SEMA4C: variants seen among roughly 807,000 people sequenced by gnomAD.
SEMA4C encodes the protein semaphorin 4C.
Under a neutral mutation model 89.0 loss-of-function variants are expected in SEMA4C, and 19 were observed. The ratio of observed to expected loss-of-function variants is 0.21; its 90% CI spans 0.15 to 0.31. SEMA4C has a LOEUF of 0.31. Among genes scored for constraint, SEMA4C ranks in the 10% least tolerant of loss-of-function variants. The pLI is 1.00. For missense variants in SEMA4C, 811 were observed against 1,107.0 expected (o/e 0.73, Z 3.79); for synonymous variants, 428 against 472.7 (o/e 0.91, Z 1.23).
At chr2:96,867,986 A>T (rs1164729887) in intron 1 of SEMA4C, 63 bp from the exon 2 acceptor site, 22 of 1,582,104 alleles carry the variant, frequency 1.4e-5, no homozygotes, top group Non-Finnish European at 1.8e-5. Flanking sequence ...AGGGGCCCGC[A>T]GCAGGAGAGG....
chr2:96,866,225 C>T (rs1486695405), intron 3 of SEMA4C, 58 bp downstream of exon 3: 15 of 1,544,668 alleles, frequency 9.7e-6, no homozygotes, highest in African/African-American at 1.4e-5. Context: ...CCAAGCACAG[C>T]CCCTCTGGGC....
Position 96,870,039 on chromosome 2 carries a change from C to A in SEMA4C, c.-201G>T. On this transcript the variant is annotated 5_prime_UTR_variant, in exon 1 of 15. Coordinates refer to ENST00000305476, the MANE Select transcript of SEMA4C (RefSeq NM_017789.5). ...CCGCCCGGCTCCGCGCCCCTAGGCTCGGGCTCCCCGCGCCACCACGGCGGG... is the reference window on the plus strand; with the variant it reads ...CCGCCCGGCTCCGCGCCCCTAGGCTAGGGCTCCCCGCGCCACCACGGCGGG... 1 of 982,288 alleles carries A rather than the reference C, an allele frequency of 1.0e-6. No homozygotes were observed. The highest frequency in any genetic ancestry group is 4.6e-5 in the South Asian group (1 of 21,772). 60.8% of individuals were successfully genotyped at this position (982,288 alleles called of 1,614,324 possible). A position where few individuals can be genotyped will look rare whatever the true frequency, so the allele number is the denominator to read the frequency against.
At position 96,861,966 on chromosome 2, in the gene SEMA4C, C is replaced by A. The variant is rs913636535; in HGVS notation, c.1444-72G>T. 18 of 1,506,780 alleles carry A rather than the reference C, an allele frequency of 1.2e-5. No individual in the cohort carries two copies. Among genetic ancestry groups the A allele is most frequent in the Non-Finnish European group, 1.3e-5 (15 of 1,120,532 alleles). The allele number at this position is 1,506,780 out of a possible 1,614,324, so 93.3% of individuals were successfully genotyped here. ...CACGGGAGGGGCGGCCGGACCAGAA[C>A]GCAGCATGGGGACAGCTTGGACTCC... is the stretch of plus-strand genomic sequence containing the variant. On this transcript the variant is annotated intron_variant, in intron 12 of 14. Transcript: ENST00000305476. This position sits in a 1 kb window ranked among gnomAD's most constrained non-coding sequence, Gnocchi z 7.8.
intron 12 of SEMA4C, chr2:96,862,175 T>C (rs2079962697): frequency 2.2e-6 from 1 of 457,036 alleles, no homozygotes; most frequent in African/African-American, 1.9e-5. Context: ...GGCCAAAAAG[T>C]ATAATCACAC....
chr2:96,866,080 C>T, intron 3 of SEMA4C, 151 bp from the exon 4 acceptor site: 2 of 1,081,910 alleles, frequency 1.8e-6, no homozygotes, highest in South Asian at 3.0e-5. Context: ...ATGGAAGCCC[C>T]AAACCACCCC....
chr2:96,861,440 T>C lies in SEMA4C; in HGVS notation c.1688A>G (p.Lys563Arg), dbSNP rs558466731. Residue 563 changes from lysine (K) to arginine (R), a missense_variant, in exon 15 of 15, where the codon AAA becomes AGA. Transcript: ENST00000305476. This position sits in a 1 kb window ranked among gnomAD's most constrained non-coding sequence, Gnocchi z 7.8. Reference protein sequence around the residue: ...RGSKKVRPTPKNITVVAGTDL... With the variant: ...RGSKKVRPTPRNITVVAGTDL... ...TGTGCCCGCCACCACCGTGATGTTT[T>C]TGGGAGTGGGCCTGACTGTAGTGGC... 1.9e-6 allele frequency: 3 copies of C among 1,612,762 alleles called. No homozygotes were observed. The highest frequency in any genetic ancestry group is 2.2e-5 in the East Asian group (1 of 44,882).
chr2:96,869,059 G>A (rs2080147668), intron 1 of SEMA4C: 8 of 985,428 alleles, frequency 8.1e-6, no homozygotes, highest in Non-Finnish European at 9.6e-6. Flanking sequence ...CAAAGCGGCG[G>A]CGCGGGGAGC....
rs745589866 is a variant in SEMA4C, at chr2:96,865,569, G to C, written c.421-32C>G. 6 of 1,606,820 alleles carry C rather than the reference G, an allele frequency of 3.7e-6. No individual in the cohort carries two copies. The South Asian group carries it at 6.6e-5, about 18-fold the overall frequency. ...ACAGAGAGAGAGGTGATGAGGAGATGCTTAAGGGCAGGGCTCTGTGGGCCA... is the reference window on the plus strand; with the variant it reads ...ACAGAGAGAGAGGTGATGAGGAGATCCTTAAGGGCAGGGCTCTGTGGGCCA... On this transcript the variant is annotated intron_variant, in intron 5 of 14. Transcript: ENST00000305476.
intron 12 of SEMA4C, chr2:96,863,286 G>C (rs2079993948): frequency 9.8e-7 from 1 of 1,021,306 alleles, no homozygotes; most frequent in Admixed American, 5.1e-5. Flanking sequence ...AATGGGGGCT[G>C]GAAGGAAAAC....
At chr2:96,863,374 A>G (rs2079996135) in intron 12 of SEMA4C, 1 of 1,147,248 alleles carries the variant, frequency 8.7e-7, no homozygotes, top group Non-Finnish European at 1.1e-6. Flanking sequence ...AAGAGGCCAG[A>G]GCCAGAACCA....
intron 3 of SEMA4C, 85 bp from the exon 4 acceptor site, chr2:96,866,014 G>A: frequency 7.1e-7 from 1 of 1,410,814 alleles, no homozygotes; most frequent in Middle Eastern, 1.8e-4. Flanking sequence ...AGCAACACAG[G>A]GACGCCCAGT....
Position 96,864,687 on chromosome 2 carries a change from G to A in SEMA4C, c.962+18C>T, listed in dbSNP as rs1037711971. On this transcript the variant is annotated intron_variant, in intron 9 of 14. Coordinates refer to ENST00000305476, the MANE Select transcript of SEMA4C (RefSeq NM_017789.5). The surrounding 1 kb of genome is among the most constrained non-coding windows in gnomAD (Gnocchi z 6.3). The stretch of plus-strand genomic sequence containing the variant: ...ACCCCAGCTCCTCCCCACTCTGTGG[G>A]AGCCCTGGCCAACTCACCACTGTGC... The A allele has an allele frequency of 3.1e-6, 5 of 1,590,980 alleles. No individual in the cohort carries two copies. The African/African-American group carries it at 6.7e-5, about 21-fold the overall frequency.
chr2:96,868,726 G>A (rs2080139152), intron 1 of SEMA4C: 1 of 985,252 alleles, frequency 1.0e-6, no homozygotes. Context: ...GGACTCCGGC[G>A]GCGCGCGCAG....
intron 3 of SEMA4C, 42 bp from the exon 4 acceptor site, chr2:96,865,971 G>A (rs2080060452): frequency 6.3e-7 from 1 of 1,592,074 alleles, no homozygotes; most frequent in Admixed American, 1.7e-5. Context: ...TACAGGTACG[G>A]ACTGAGCACG....
intron 1 of SEMA4C, 78 bp downstream of exon 1, chr2:96,869,798 C>A: frequency 1.0e-6 from 1 of 985,092 alleles, no homozygotes. Context: ...GTCCGGCAGC[C>A]CCTGCCCAAG....
intron 1 of SEMA4C, 70 bp from the exon 2 acceptor site, chr2:96,867,993 G>C: frequency 6.4e-7 from 1 of 1,566,276 alleles, no homozygotes. Flanking sequence ...CGCAGCAGGA[G>C]AGGCCACAGG....
rs758204899 is a variant in SEMA4C at position 96,866,346 on chromosome 2, C to T, written c.195G>A (p.Leu65=). The change falls in exon 3 of 15, where the codon CTG becomes CTA. Residue 65 remains leucine (L), a synonymous_variant. Coordinates refer to ENST00000305476, the MANE Select transcript of SEMA4C (RefSeq NM_017789.5). ...ACAGGGCCTCTCGGGCGCCCACGTACAGAAGCCCAGTGGGCTCCGTCAGCG... is the reference window on the plus strand; with the variant it reads ...ACAGGGCCTCTCGGGCGCCCACGTATAGAAGCCCAGTGGGCTCCGTCAGCG... ...TLTLTEPTGL[L]YVGAREALFA... The T allele has an allele frequency of 6.2e-7, 1 of 1,613,898 alleles. No homozygotes were observed. The highest frequency in any genetic ancestry group is 8.5e-7 in the Non-Finnish European group (1 of 1,179,982).
rs545174273 is a variant in SEMA4C at position 96,863,327 on chromosome 2, C to A, written c.1443+355G>T. The A allele has an allele frequency of 9.6e-5, 101 of 1,048,220 alleles. No homozygotes were observed. The African/African-American group carries it at 1.5e-3, about 16-fold the overall frequency. The allele number at this position is 1,048,220 out of a possible 1,614,324, so 64.9% of individuals were successfully genotyped here. A position where few individuals can be genotyped will look rare whatever the true frequency, so the allele number is the denominator to read the frequency against. On this transcript the variant is annotated intron_variant, in intron 12 of 14. Coordinates refer to ENST00000305476, the MANE Select transcript of SEMA4C (RefSeq NM_017789.5). Reference sequence around the variant, plus strand: ...TGGTGAGGGCATCATAAACATCTCACAGCCTGGGAGGTCTGGTCACAGGGG... The same window carrying A: ...TGGTGAGGGCATCATAAACATCTCAAAGCCTGGGAGGTCTGGTCACAGGGG...
upstream of SEMA4C, chr2:96,870,804 G>A (rs868361218): frequency 1.2e-5 from 12 of 967,096 alleles, no homozygotes; most frequent in African/African-American, 3.5e-5. Context: ...CAGAACCACC[G>A]CCACCTTCAG....
Sources: gnomAD v4.1 joint callset for allele counts on GRCh38, gnomAD v4.1.1 for gene constraint, Gnocchi (gnomAD v3.1) non-coding constraint, MANE v1.5 for transcripts, NCBI Gene and HGNC (gene_info 2026-07-23, HGNC 2026-07-21) for gene names.